TMCO1: variants seen among roughly 807,000 people sequenced by gnomAD.
The protein encoded by TMCO1 is calcium load-activated calcium channel.
Under a neutral mutation model 29.3 loss-of-function variants are expected in TMCO1, and 29 were observed. The ratio of observed to expected loss-of-function variants is 0.99; its 90% CI spans 0.74 to 1.35. The LOEUF (loss-of-function observed/expected upper bound fraction) is 1.35, where lower values mean the gene tolerates loss of function less well. TMCO1 is among the 40% of genes most tolerant of loss of function. TMCO1 has a pLI of 0.00. For missense variants in TMCO1, 173 were observed against 225.5 expected (o/e 0.77, Z 1.49); for synonymous variants, 80 against 77.1 (o/e 1.04, Z -0.20).
chr1:165,759,646 C>T (rs906026201), intron 2 of TMCO1, 62 bp from the exon 3 acceptor site: 2 of 1,387,146 alleles, frequency 1.4e-6, no homozygotes, highest in Non-Finnish European at 2.0e-6. Context: ...ACAAAGGATG[C>T]TTTATCACAG....
chr1:165,744,748 C>T (rs1651725502), intron 5 of TMCO1, among the ~76,000 whole-genome samples: 4 of 145,520 alleles, frequency 2.7e-5, no homozygotes, highest in African/African-American at 7.6e-5. Flanking sequence ...CGAGATCATG[C>T]CATTGCATTC....
At chr1:165,758,152 T>C (rs556772859) in intron 3 of TMCO1, among the ~76,000 whole-genome samples, 109 of 152,206 alleles carry the variant, frequency 7.2e-4, no homozygotes, top group African/African-American at 2.6e-3. Flanking sequence ...ATCAGGCCCT[T>C]CCTCCTCCCT....
chr1:165,756,955 T>C (rs561865214), intron 3 of TMCO1, among the ~76,000 whole-genome samples: 19 of 152,106 alleles, frequency 1.2e-4, no homozygotes, highest in African/African-American at 4.6e-4. Flanking sequence ...AAAAATACAT[T>C]TAATTGGTCC....
At chr1:165,732,505 CTATATA>C (rs66588679) in intron 6 of TMCO1, among the ~76,000 whole-genome samples, 200 of 133,826 alleles carry the variant, frequency 1.5e-3, no homozygotes, top group African/African-American at 5.4e-3. Flanking sequence ...CTCTCTCTCT[CTATATA>C]TATATATATA....
At chr1:165,754,387 A>C in intron 3 of TMCO1, 113 bp from the exon 4 acceptor site, 1 of 834,380 alleles carries the variant, frequency 1.2e-6, no homozygotes, top group Non-Finnish European at 2.0e-6. Flanking sequence ...ATATCATTTA[A>C]TAAGATGATG....
At chr1:165,733,492 T>C (rs6679238) in intron 6 of TMCO1, among the ~76,000 whole-genome samples, 36,345 of 151,726 alleles carry the variant, frequency 0.24, 5,435 homozygotes, top group East Asian at 0.58. Context: ...TCCTAGCTAC[T>C]TGGGAGGCTG....
intron 5 of TMCO1, 133 bp from the exon 6 acceptor site, chr1:165,743,444 C>T: frequency 2.3e-6 from 2 of 871,056 alleles, no homozygotes; most frequent in South Asian, 3.3e-5. Context: ...GGGTGACATG[C>T]TAAAAATACA....
chr1:165,741,973 C>G (rs1391761239), intron 6 of TMCO1, among the ~76,000 whole-genome samples: 1 of 152,120 alleles, frequency 6.6e-6, no homozygotes, highest in Non-Finnish European at 1.5e-5. Flanking sequence ...GAGCCATAAG[C>G]CAATTAAACC....
At position 165,754,126 on chromosome 1, in the gene TMCO1, T is replaced by A. The variant is rs567310000; in HGVS notation, c.255+102A>T. ...TGATATTATTTATAGCCTTCACAGGTGATAAATTTCTGAAAAGGTGAGTGC... is the reference window on the plus strand; with the variant it reads ...TGATATTATTTATAGCCTTCACAGGAGATAAATTTCTGAAAAGGTGAGTGC... On this transcript the variant is annotated intron_variant, in intron 4 of 6. Coordinates refer to ENST00000367881, the MANE Select transcript of TMCO1 (RefSeq NM_019026.6). 124 of 935,446 alleles carry A rather than the reference T, an allele frequency of 1.3e-4. No individual in the cohort carries two copies. The African/African-American group carries it at 1.5e-3, about 11-fold the overall frequency. 57.9% of individuals were successfully genotyped at this position (935,446 alleles called of 1,614,324 possible).
intron 6 of TMCO1, among the ~76,000 whole-genome samples, chr1:165,729,308 T>C (rs2101784587): frequency 7.1e-6 from 1 of 141,574 alleles, no homozygotes; most frequent in East Asian, 2.0e-4. Context: ...ACATACTTTG[T>C]TCTCATAATT....
chr1:165,730,382 G>C (rs139765548), intron 6 of TMCO1, among the ~76,000 whole-genome samples: 33 of 152,050 alleles, frequency 2.2e-4, no homozygotes, highest in African/African-American at 6.7e-4. Flanking sequence ...TGTGTATTGA[G>C]GTAACACTGT....
At chr1:165,756,191 A>T (rs1216682637) in intron 3 of TMCO1, among the ~76,000 whole-genome samples, 6 of 152,198 alleles carry the variant, frequency 3.9e-5, no homozygotes, top group Non-Finnish European at 5.9e-5. Context: ...TATGGATCAC[A>T]TTATGAAAAT....
At chr1:165,766,268 C>T (rs969951336) in intron 2 of TMCO1, among the ~76,000 whole-genome samples, 7 of 152,186 alleles carry the variant, frequency 4.6e-5, no homozygotes, top group Non-Finnish European at 8.8e-5. Flanking sequence ...CGTGTTGGGA[C>T]TGAGCTGTCC....
At chr1:165,760,360 G>A (rs1405666789) in intron 2 of TMCO1, among the ~76,000 whole-genome samples, 2 of 151,628 alleles carry the variant, frequency 1.3e-5, no homozygotes, top group Admixed American at 6.6e-5. Flanking sequence ...GAATCCAGGC[G>A]GTGGAGGTTG....
chr1:165,743,128 GA>G, intron 6 of TMCO1, 38 bp downstream of exon 6: 1 of 1,611,664 alleles, frequency 6.2e-7, no homozygotes, highest in Non-Finnish European at 8.5e-7. Context: ...TGACAGCAAG[GA>G]AAAATATACA....
At chr1:165,759,083 A>C (rs1652303367) in intron 3 of TMCO1, among the ~76,000 whole-genome samples, 1 of 152,218 alleles carries the variant, frequency 6.6e-6, no homozygotes. Flanking sequence ...TATGGTCATT[A>C]TTTCTCCAAG....
At chr1:165,754,668 A>C (rs1652128869) in intron 3 of TMCO1, among the ~76,000 whole-genome samples, 2 of 152,186 alleles carry the variant, frequency 1.3e-5, no homozygotes, top group South Asian at 4.1e-4. Flanking sequence ...CAATTTCTCT[A>C]AAATGGCATA....
At chr1:165,736,354 A>G (rs1036595910) in intron 6 of TMCO1, among the ~76,000 whole-genome samples, 2 of 152,220 alleles carry the variant, frequency 1.3e-5, no homozygotes, top group Admixed American at 6.5e-5. Context: ...TCTTCAACCT[A>G]TCGTTTACAT....
Position 165,727,169 on chromosome 1 carries a change from A to G in TMCO1, c.*854T>C, listed in dbSNP as rs1313575464. 1 of 454,152 alleles carries G rather than the reference A, an allele frequency of 2.2e-6. No individual in the cohort carries two copies. 28.1% of individuals were successfully genotyped at this position (454,152 alleles called of 1,614,324 possible). ...ACTAAAAGGAAGCTCTGCGAGATTA[A>G]CAACATATAACTATAACCTTGTCTC... is the stretch of plus-strand genomic sequence containing the variant. On this transcript the variant is annotated 3_prime_UTR_variant, in exon 7 of 7. Transcript: ENST00000367881.
Sources: allele counts gnomAD v4.1 joint callset (sites outside exome capture counted in the v4.1 genomes callset), GRCh38; gene constraint gnomAD v4.1.1; transcripts MANE v1.5; gene names NCBI Gene and HGNC (gene_info 2026-07-23, HGNC 2026-07-21).